PAM: variants seen among roughly 807,000 people sequenced by gnomAD.
The protein encoded by PAM is peptidyl-glycine alpha-amidating monooxygenase.
Under a neutral mutation model 122.1 loss-of-function variants are expected in PAM, and 72 were observed. The ratio of observed to expected loss-of-function variants is 0.59; its 90% CI spans 0.49 to 0.72. The LOEUF is 0.72. Among genes scored for constraint, PAM ranks in the 30% least tolerant of loss-of-function variants. The probability of loss-of-function intolerance (pLI) is 0.00; values close to 1 mark genes in which losing one functional copy is unlikely to be tolerated. For synonymous variants in PAM, 389 were observed against 404.4 expected (o/e 0.96, Z 0.46); for missense variants, 1,106 against 1,183.7 (o/e 0.93, Z 0.96).
chr5:102,811,891 T>A (rs1768022623), intron 1 of PAM, among the ~76,000 whole-genome samples: 1 of 152,220 alleles, frequency 6.6e-6, no homozygotes, highest in African/African-American at 2.4e-5. Flanking sequence ...TAGGTACAGA[T>A]GGGAGTCTCG....
At position 102,780,167 on chromosome 5, in the gene PAM, G is replaced by C. The variant is rs926165780; in HGVS notation, c.-374+24819G>C. ...ATTACATATGCTACCCACCTCACCT[G>C]TTAGCCATCTGGGTTATCAAATTTT... is the stretch of plus-strand genomic sequence containing the variant. On this transcript the variant is annotated intron_variant, in intron 1 of 25. Transcript: ENST00000438793. Among the ~76,000 whole-genome samples the C allele has an allele frequency of 1.3e-4, 20 of 151,720 alleles. 1 individual carries two copies. Among genetic ancestry groups the C allele is most frequent in the Admixed American group, 6.6e-5 (1 of 15,208 alleles).
intron 3 of PAM, among the ~76,000 whole-genome samples, chr5:102,885,994 T>C (rs1298799855): frequency 6.6e-6 from 1 of 152,048 alleles, no homozygotes; most frequent in African/African-American, 2.4e-5. Flanking sequence ...TGGAAGACCT[T>C]GTATCATTTA....
chr5:102,820,337 C>A (rs1771419284), intron 1 of PAM, among the ~76,000 whole-genome samples: 2 of 152,158 alleles, frequency 1.3e-5, no homozygotes, highest in South Asian at 2.1e-4. Context: ...AATATATTCT[C>A]TCTTAAGCCT....
chr5:102,756,370 G>A (rs766759401), intron 1 of PAM, among the ~76,000 whole-genome samples: 3 of 152,194 alleles, frequency 2.0e-5, no homozygotes, highest in Non-Finnish European at 4.4e-5. Flanking sequence ...TGTGTACAAA[G>A]CTATGGACCT....
At chr5:102,856,783 T>C (rs1057305718) in intron 1 of PAM, among the ~76,000 whole-genome samples, 4 of 152,182 alleles carry the variant, frequency 2.6e-5, no homozygotes, top group African/African-American at 9.7e-5. Context: ...TGAGATTTTT[T>C]TTCAGCATAT....
Position 103,003,063 on chromosome 5 carries a change from A to G in PAM, c.1644A>G (p.Gln548=). 2 of 1,603,178 alleles carry G rather than the reference A, an allele frequency of 1.2e-6. No homozygotes were observed. Among genetic ancestry groups the G allele is most frequent in the Non-Finnish European group, 1.7e-6 (2 of 1,170,268 alleles). Residue 548 remains glutamine (Q), a synonymous_variant, in exon 17 of 26, where the codon CAA becomes CAG. Coordinates refer to ENST00000438793, the MANE Select transcript of PAM (RefSeq NM_001177306.2). ...TTGACAGCAAGTTTGTTTACCAGCA[A>G]ATAGGACTCGGACCAATTGAAGAAG... is the stretch of plus-strand genomic sequence containing the variant. ...NSFDSKFVYQ[Q]IGLGPIEEDT...
chr5:102,889,345 C>T (rs997689442), intron 3 of PAM, among the ~76,000 whole-genome samples: 1 of 151,926 alleles, frequency 6.6e-6, no homozygotes, highest in African/African-American at 2.4e-5. Context: ...AACTGGGTTT[C>T]TCTAATGATG....
At chr5:103,020,397 T>C (rs899800411) in intron 23 of PAM, among the ~76,000 whole-genome samples, 5 of 152,140 alleles carry the variant, frequency 3.3e-5, no homozygotes, top group African/African-American at 9.7e-5. Flanking sequence ...CCTGACCTTA[T>C]AGCCTTATAA....
chr5:102,983,239 G>A (rs1270449304), intron 15 of PAM, among the ~76,000 whole-genome samples: 1 of 151,934 alleles, frequency 6.6e-6, no homozygotes, highest in African/African-American at 2.4e-5. Context: ...GAGGCCAGGA[G>A]TTTGAGACCA....
At chr5:103,003,955 CAA>C (rs35343295) in intron 17 of PAM, among the ~76,000 whole-genome samples, 29 of 127,800 alleles carry the variant, frequency 2.3e-4, no homozygotes, top group Non-Finnish European at 2.0e-4. Flanking sequence ...ACTTGGCAGC[CAA>C]AAAAAAAAAA....
intron 15 of PAM, among the ~76,000 whole-genome samples, chr5:102,978,464 TG>T (rs1768520779): frequency 6.6e-6 from 1 of 152,158 alleles, no homozygotes; most frequent in African/African-American, 2.4e-5. Context: ...AGTTGCCCTC[TG>T]GAAACTAGAC....
At chr5:102,949,866 A>C in intron 10 of PAM, 36 bp from the exon 11 acceptor site, 2 of 1,086,890 alleles carry the variant, frequency 1.8e-6, no homozygotes, top group Non-Finnish European at 2.8e-6. Flanking sequence ...CTAATACCTT[A>C]TTATATTAAA....
intron 21 of PAM, among the ~76,000 whole-genome samples, chr5:103,012,038 CTGTT>C (rs1332556865): frequency 6.6e-6 from 1 of 152,142 alleles, no homozygotes; most frequent in Non-Finnish European, 1.5e-5. Flanking sequence ...TTCCATATGT[CTGTT>C]TGCCATTTGT....
chr5:102,847,415 G>C (rs1198211455), intron 1 of PAM, among the ~76,000 whole-genome samples: 2 of 152,116 alleles, frequency 1.3e-5, no homozygotes, highest in African/African-American at 4.8e-5. Flanking sequence ...CTCCAGCCTG[G>C]GTGACAAGAG....
chr5:102,872,294 C>A (rs936190067), intron 3 of PAM, among the ~76,000 whole-genome samples: 1 of 152,100 alleles, frequency 6.6e-6, no homozygotes, highest in African/African-American at 2.4e-5. Flanking sequence ...GCAGATACCC[C>A]AGAGCAACAG....
At chr5:102,985,846 C>T (rs1306108460) in intron 15 of PAM, among the ~76,000 whole-genome samples, 1 of 152,066 alleles carries the variant, frequency 6.6e-6, no homozygotes, top group Non-Finnish European at 1.5e-5. Flanking sequence ...ATCCTCAACA[C>T]AGTACTATCA....
At position 102,895,575 on chromosome 5, in the gene PAM, GA is replaced by G. The variant is rs202086466; in HGVS notation, c.211-5774del. Among the ~76,000 whole-genome samples, 968 of 151,678 alleles carry G rather than the reference GA, an allele frequency of 6.4e-3. 7 individuals are homozygous for G. The highest frequency in any genetic ancestry group is 0.021 in the African/African-American group (868 of 41,462). On this transcript the variant is annotated intron_variant, in intron 3 of 25. Transcript: ENST00000438793. Reference sequence around the variant, plus strand: ...ATTAGAATTAGAACAGGCCTGGGGGGAAAAAAACACAGAAATTGAGAAGACC... The same window carrying G: ...ATTAGAATTAGAACAGGCCTGGGGGGAAAAAACACAGAAATTGAGAAGACC...
rs542042972 is a variant in PAM at position 102,924,352 on chromosome 5, GA to G, written c.357-603del. Among the ~76,000 whole-genome samples, 228 of 149,210 alleles carry G rather than the reference GA, an allele frequency of 1.5e-3. 1 individual carries two copies. Among genetic ancestry groups the G allele is most frequent in the African/African-American group, 5.4e-3 (219 of 40,358 alleles). ...GGAGGCTGAGGCAGGAGAATCGCTTGAACCCAGGAGGCGGAGGTTGCAGTGA... is the reference window on the plus strand; with the variant it reads ...GGAGGCTGAGGCAGGAGAATCGCTTGACCCAGGAGGCGGAGGTTGCAGTGA... On this transcript the variant is annotated intron_variant, in intron 5 of 25. Transcript: ENST00000438793.
intron 3 of PAM, among the ~76,000 whole-genome samples, chr5:102,898,502 C>T (rs1796798760): frequency 6.6e-6 from 1 of 151,634 alleles, no homozygotes; most frequent in Non-Finnish European, 1.5e-5. Context: ...TTTATCTCTT[C>T]AGAATGTGTT....
Sources: gnomAD v4.1 joint callset for allele counts (sites outside exome capture counted in the v4.1 genomes callset) on GRCh38, gnomAD v4.1.1 for gene constraint, MANE v1.5 for transcripts, NCBI Gene and HGNC (gene_info 2026-07-23, HGNC 2026-07-21) for gene names.